SLC6A6: variants seen among roughly 807,000 people sequenced by gnomAD.
The protein encoded by SLC6A6 is solute carrier family 6 member 6.
Under a neutral mutation model 68.8 loss-of-function variants are expected in SLC6A6, and 16 were observed. The ratio of observed to expected loss-of-function variants is 0.23; its 90% CI spans 0.16 to 0.35. The LOEUF (loss-of-function observed/expected upper bound fraction) is 0.35, where lower values mean the gene tolerates loss of function less well. SLC6A6 is among the 10% of genes least tolerant of loss of function. The pLI, the probability that SLC6A6 is intolerant of heterozygous loss-of-function variation, is 1.00. For synonymous variants in SLC6A6, 312 were observed against 315.4 expected, an observed-to-expected ratio of 0.99 and a Z score of 0.12; for missense variants, 474 against 802.8, an observed-to-expected ratio of 0.59 and a Z score of 4.95.
At chr3:14,464,959 G>A (rs1700581729) in intron 6 of SLC6A6, among the ~76,000 whole-genome samples, 2 of 152,166 alleles carry the variant, frequency 1.3e-5, no homozygotes, top group South Asian at 4.1e-4. Flanking sequence ...CACAGGCTCT[G>A]GGTTCAAATC....
intron 3 of SLC6A6, chr3:14,444,616 T>G (rs958272900): frequency 1.2e-5 from 5 of 406,094 alleles, no homozygotes; most frequent in Non-Finnish European, 2.5e-5. Flanking sequence ...TCACGGCTGG[T>G]GACTGCTTGT....
rs934258670 is a variant in SLC6A6, at chr3:14,445,639, G to T, written c.230-78G>T. 3.3e-6 allele frequency: 5 copies of T among 1,519,892 alleles called. No homozygotes were observed. In the East Asian group the frequency reaches 9.0e-5, roughly 27 times the overall value. 94.2% of individuals were successfully genotyped at this position (1,519,892 alleles called of 1,614,324 possible). A position where few individuals can be genotyped will look rare whatever the true frequency, so the allele number is the denominator to read the frequency against. On this transcript the variant is annotated intron_variant, in intron 3 of 14. Coordinates refer to ENST00000622186, the MANE Select transcript of SLC6A6 (RefSeq NM_003043.6). ...TCATGCATTCTCTCTGGTTCCATTG[G>T]CTGGGAGGGCTTGGGAGCCTTCTGC...
At chr3:14,479,229 T>C (rs1470139201) in intron 13 of SLC6A6, 44 bp downstream of exon 13, 1 of 1,193,970 alleles carries the variant, frequency 8.4e-7, no homozygotes, top group East Asian at 2.3e-5. Flanking sequence ...CTCTTCTCCC[T>C]GGGGCTTGAC....
intron 7 of SLC6A6, among the ~76,000 whole-genome samples, chr3:14,467,008 G>A (rs964993127): frequency 4.6e-5 from 7 of 152,200 alleles, no homozygotes; most frequent in African/African-American, 1.7e-4. Context: ...GCTGCATCCT[G>A]GGGATGGGAG....
intron 6 of SLC6A6, 78 bp downstream of exon 6, chr3:14,458,160 A>C (rs963872652): frequency 7.5e-7 from 1 of 1,340,410 alleles, no homozygotes; most frequent in Non-Finnish European, 1.1e-6. Context: ...TCCCGCCTGC[A>C]ATTAGCCACG....
intron 2 of SLC6A6, among the ~76,000 whole-genome samples, chr3:14,418,444 A>G (rs1282898346): frequency 6.6e-6 from 1 of 152,144 alleles, no homozygotes; most frequent in African/African-American, 2.4e-5. Flanking sequence ...GCCCCACCCC[A>G]TGGAGACATA....
rs1700995230 is a variant in SLC6A6, at chr3:14,481,054, CTTG to C, written c.1552-612_1552-610del. ...CTACGCTGCTAGCACTTATGGTGCA[CTTG>C]TTGTATGTACCTGGAGCTGCACTGG... On this transcript the variant is annotated intron_variant, in intron 13 of 14. Coordinates refer to ENST00000622186, the MANE Select transcript of SLC6A6 (RefSeq NM_003043.6). This position sits in a 1 kb window ranked among gnomAD's most constrained non-coding sequence, Gnocchi z 4.7. Among the ~76,000 whole-genome samples the C allele has an allele frequency of 6.6e-6, 1 of 152,298 alleles. No individual in the cohort carries two copies. The highest frequency in any genetic ancestry group is 2.1e-4 in the South Asian group (1 of 4,824).
intron 2 of SLC6A6, among the ~76,000 whole-genome samples, chr3:14,432,378 G>A (rs1297008500): frequency 6.6e-6 from 1 of 152,212 alleles, no homozygotes; most frequent in Non-Finnish European, 1.5e-5. Context: ...TGCTAGCGAA[G>A]CTGACAGCAA....
intron 3 of SLC6A6, chr3:14,444,691 CT>C (rs1387613337): frequency 2.2e-6 from 1 of 456,148 alleles, no homozygotes; most frequent in South Asian, 1.5e-5. Flanking sequence ...GTAGAACCAC[CT>C]TTTGGGGAAT....
chr3:14,445,877 G>A (rs1466539420), intron 4 of SLC6A6, 26 bp downstream of exon 4: 1 of 1,613,270 alleles, frequency 6.2e-7, no homozygotes, highest in Admixed American at 1.7e-5. Context: ...AGGTCACTTG[G>A]GGCCTGGCAC....
intron 2 of SLC6A6, among the ~76,000 whole-genome samples, chr3:14,418,160 T>C (rs1699407723): frequency 6.6e-6 from 1 of 152,216 alleles, no homozygotes; most frequent in African/African-American, 2.4e-5. Flanking sequence ...GTAAAAAAGA[T>C]GGCCTTGACC....
Position 14,402,707 on chromosome 3 carries a change from G to A in SLC6A6, c.-194G>A, listed in dbSNP as rs1014229044. 7.5e-6 allele frequency: 3 copies of A among 398,232 alleles called. No homozygotes were observed. The highest frequency in any genetic ancestry group is 4.4e-5 in the Admixed American group (1 of 22,726). 24.7% of individuals were successfully genotyped at this position (398,232 alleles called of 1,614,324 possible). ...CCGCCAACGCCGAGCCCCGAGGACC[G>A]CAAGCCCAGAGGACAAGCTGCGCCA... On this transcript the variant is annotated 5_prime_UTR_variant, in exon 1 of 15. Transcript: ENST00000622186. The surrounding 1 kb of genome is among the most constrained non-coding windows in gnomAD (Gnocchi z 4.8).
rs761724380 is a variant in SLC6A6 at position 14,477,228 on chromosome 3, C to G, written c.1233C>G (p.Ile411Met). ...DSQFVEVEGQITSLVDLYPSF... is the reference protein window; with the variant it reads ...DSQFVEVEGQMTSLVDLYPSF... Reference sequence around the variant, plus strand: ...AGTTTGTTGAAGTTGAAGGACAGATCACATCCTTGGTTGATCTTTACCCAT... The same window carrying G: ...AGTTTGTTGAAGTTGAAGGACAGATGACATCCTTGGTTGATCTTTACCCAT... The change falls in exon 11 of 15, where the codon ATC becomes ATG. Residue 411 changes from isoleucine (I) to methionine (M), a missense_variant. Transcript: ENST00000622186. This position sits in a 1 kb window ranked among gnomAD's most constrained non-coding sequence, Gnocchi z 4.2. 8.1e-6 allele frequency: 13 copies of G among 1,613,612 alleles called. No homozygotes were observed. In the South Asian group the frequency reaches 1.2e-4, roughly 15 times the overall value.
intron 14 of SLC6A6, among the ~76,000 whole-genome samples, chr3:14,483,412 A>G (rs998422011): frequency 6.6e-6 from 1 of 152,180 alleles, no homozygotes; most frequent in Non-Finnish European, 1.5e-5. Context: ...GCAAACCCAG[A>G]TCTCTGTCCC....
chr3:14,421,562 G>A (rs1279564030), intron 2 of SLC6A6, among the ~76,000 whole-genome samples: 3 of 152,230 alleles, frequency 2.0e-5, no homozygotes, highest in African/African-American at 7.2e-5. Context: ...AATAAATGAA[G>A]TTAACATCGT....
At chr3:14,412,623 C>T (rs879631362) in intron 1 of SLC6A6, among the ~76,000 whole-genome samples, 1 of 152,130 alleles carries the variant, frequency 6.6e-6, no homozygotes, top group Admixed American at 6.5e-5. Context: ...ATCGTGCCAC[C>T]GCACTCCAGC....
intron 2 of SLC6A6, among the ~76,000 whole-genome samples, chr3:14,420,489 CTT>C (rs763732632): frequency 8.6e-5 from 11 of 128,068 alleles, no homozygotes; most frequent in Non-Finnish European, 9.7e-5. Flanking sequence ...AACCACTCTG[CTT>C]TTTTTTTTTT....
At chr3:14,409,654 G>A (rs1699195269) in intron 1 of SLC6A6, among the ~76,000 whole-genome samples, 1 of 152,202 alleles carries the variant, frequency 6.6e-6, no homozygotes, top group Non-Finnish European at 1.5e-5. Context: ...GGAGGGAGGG[G>A]AGATCCCTAT....
At chr3:14,404,763 C>G (rs1407501066) in intron 1 of SLC6A6, among the ~76,000 whole-genome samples, 2 of 152,220 alleles carry the variant, frequency 1.3e-5, no homozygotes, top group Non-Finnish European at 2.9e-5. Flanking sequence ...TAAAGCCGGG[C>G]TCGGCTGTAG....
Sources: allele counts gnomAD v4.1 joint callset (sites outside exome capture counted in the v4.1 genomes callset), GRCh38; gene constraint gnomAD v4.1.1; non-coding constraint Gnocchi (gnomAD v3.1); transcripts MANE v1.5; gene names NCBI Gene and HGNC (gene_info 2026-07-23, HGNC 2026-07-21).